AGL: variants seen among roughly 807,000 people sequenced by gnomAD.
AGL encodes glycogen debranching enzyme.
AGL carries 128 observed loss-of-function variants against 199.3 expected under a neutral mutation model. The ratio of observed to expected loss-of-function variants is 0.64; its 90% confidence interval spans 0.56 to 0.74. The LOEUF (loss-of-function observed/expected upper bound fraction) is 0.74, where lower values mean the gene tolerates loss of function less well. Ranked by LOEUF, AGL falls within the 30% of genes least tolerant of loss-of-function variation. The pLI, the probability that AGL is intolerant of heterozygous loss-of-function variation, is 0.00. For missense variants in AGL, 1,809 were observed against 1,820.8 expected (o/e 0.99, Z 0.12); for synonymous variants, 584 against 594.7 (o/e 0.98, Z 0.26).
At chr1:99,902,295 A>G (rs1009527130) in intron 26 of AGL, among the ~76,000 whole-genome samples, 3 of 152,126 alleles carry the variant, frequency 2.0e-5, no homozygotes, top group Non-Finnish European at 4.4e-5. Context: ...TTAGCTCATA[A>G]TTTACCCCCA....
At chr1:99,906,310 A>G (rs961369341) in intron 27 of AGL, among the ~76,000 whole-genome samples, 12 of 152,236 alleles carry the variant, frequency 7.9e-5, no homozygotes, top group African/African-American at 1.2e-4. Context: ...CATACTTAGC[A>G]TAATTCTTTT....
At chr1:99,920,910 A>T (rs1230967869) in intron 33 of AGL, among the ~76,000 whole-genome samples, 1 of 152,224 alleles carries the variant, frequency 6.6e-6, no homozygotes, top group Non-Finnish European at 1.5e-5. Flanking sequence ...GGAACAAGTT[A>T]TTTAACCTCT....
In AGL at chr1:99,870,554, T is replaced by G. The variant is rs1210001746; in HGVS notation, c.819T>G (p.Ala273=). The G allele has an allele frequency of 2.5e-6, 4 of 1,613,956 alleles. No homozygotes were observed. The highest frequency in any genetic ancestry group is 4.5e-5 in the East Asian group (2 of 44,866). ...EGKYKEKGIP[A]LIENDHHMNS... Reference sequence around the variant, plus strand: ...AATACAAAGAAAAGGGAATACCTGCTTTGATTGAAAATGATCACCATATGA... The same window carrying G: ...AATACAAAGAAAAGGGAATACCTGCGTTGATTGAAAATGATCACCATATGA... The change falls in exon 6 of 34, where the codon GCT becomes GCG. Residue 273 remains alanine (A), a synonymous_variant. Transcript: ENST00000361915.
At position 99,902,776 on chromosome 1, in the gene AGL, C is replaced by T. The variant is rs113994131; in HGVS notation, c.3682C>T (p.Arg1228Ter). The T allele has an allele frequency of 2.7e-5, 43 of 1,612,514 alleles. No individual in the cohort carries two copies. The highest frequency in any genetic ancestry group is 3.3e-5 in the Non-Finnish European group (39 of 1,179,016). The part of the protein sequence containing the change: ...RERNAGPQID[R>*]NMKDEGFNIT... ...AAGGAATGCTGGTCCCCAGATAGAT[C>T]GAAACATGAAGGACGAAGGTACAGA... is the stretch of plus-strand genomic sequence containing the variant. The change falls in exon 27 of 34, where the codon CGA becomes TGA. Residue 1228 changes from arginine to a stop codon, truncating the protein, a stop_gained. Transcript: ENST00000361915. LOFTEE classifies it high-confidence loss of function.
intron 24 of AGL, among the ~76,000 whole-genome samples, chr1:99,893,284 T>C (rs1653047790): frequency 6.6e-6 from 1 of 152,176 alleles, no homozygotes; most frequent in African/African-American, 2.4e-5. Context: ...ATTCCCTCTT[T>C]TACCCTTAAA....
intron 25 of AGL, 84 bp from the exon 26 acceptor site, chr1:99,900,552 A>T: frequency 2.4e-6 from 3 of 1,247,634 alleles, no homozygotes; most frequent in South Asian, 1.2e-5. Context: ...CATTCAAAAT[A>T]TAGTCACCAA....
intron 9 of AGL, 24 bp from the exon 10 acceptor site, chr1:99,875,334 C>T (rs1374928648): frequency 1.9e-6 from 3 of 1,613,168 alleles, no homozygotes; most frequent in Non-Finnish European, 2.5e-6. Flanking sequence ...TGGTGATGAT[C>T]TAACACAATT....
chr1:99,903,837 G>A (rs1426424851), intron 27 of AGL, among the ~76,000 whole-genome samples: 12 of 152,264 alleles, frequency 7.9e-5, no homozygotes, highest in Admixed American at 5.9e-4. Context: ...TCTAACTGGT[G>A]TGAGATGGTA....
At position 99,864,554 on chromosome 1, in the gene AGL, T is replaced by C; in HGVS notation, c.629T>C (p.Val210Ala). 6.2e-7 allele frequency: 1 copy of C among 1,613,882 alleles called. No homozygotes were observed. The highest frequency in any genetic ancestry group is 1.1e-5 in the South Asian group (1 of 91,072). Residue 210 changes from valine (V) to alanine (A), a missense_variant, in exon 5 of 34, where the codon GTT (valine) becomes GCT (alanine). Physicochemically the swap from Val to Ala is moderately conservative, Grantham distance 64. Transcript: ENST00000361915. Reference sequence around the variant, plus strand: ...GAAAAATTAAAAAAGGAATGGAATGTTATTTGTATTACTGATGTTGTCTAC... The same window carrying C: ...GAAAAATTAAAAAAGGAATGGAATGCTATTTGTATTACTGATGTTGTCTAC... ...LVEKLKKEWN[V>A]ICITDVVYNH...
intron 17 of AGL, 35 bp downstream of exon 17, chr1:99,881,726 T>G: frequency 6.7e-7 from 1 of 1,487,988 alleles, no homozygotes; most frequent in Non-Finnish European, 9.2e-7. Flanking sequence ...TGTATTTGTA[T>G]TATATTATTA....
At chr1:99,894,338 T>C (rs1467000604) in intron 24 of AGL, among the ~76,000 whole-genome samples, 1 of 152,216 alleles carries the variant, frequency 6.6e-6, no homozygotes, top group African/African-American at 2.4e-5. Flanking sequence ...TAGTTTTGAC[T>C]TTTTCACAAA....
At chr1:99,902,056 CAG>C in intron 26 of AGL, among the ~76,000 whole-genome samples, 1 of 152,038 alleles carries the variant, frequency 6.6e-6, no homozygotes, top group Middle Eastern at 3.4e-3. Context: ...TGGTTATATT[CAG>C]AGTCTTTAAA....
intron 33 of AGL, among the ~76,000 whole-genome samples, chr1:99,918,553 G>A (rs1655296862): frequency 6.6e-6 from 1 of 152,058 alleles, no homozygotes; most frequent in Non-Finnish European, 1.5e-5. Context: ...CGAACTCCTA[G>A]GCTCAAGCAG....
At chr1:99,849,393 C>T (rs1268993637), upstream of AGL, among the ~76,000 whole-genome samples, 2 of 152,168 alleles carry the variant, frequency 1.3e-5, no homozygotes, top group Non-Finnish European at 2.9e-5. Context: ...CCTCCAAAAG[C>T]CCTGGAAGAT....
rs188638704 is a variant in AGL at position 99,852,964 on chromosome 1, G to T, written c.82+1840G>T. 3.6e-3 allele frequency among the ~76,000 whole-genome samples: 543 copies of T among 152,150 alleles called. 1 individual carries two copies. Among genetic ancestry groups the T allele is most frequent in the Non-Finnish European group, 5.8e-3 (392 of 68,006 alleles). On this transcript the variant is annotated intron_variant, in intron 2 of 33. Transcript: ENST00000361915. ...CCCATTCTCGATCCTTTATTTCTCAGCTTCCCTGTTTATTTCGTGGCATCT... is the reference window on the plus strand; with the variant it reads ...CCCATTCTCGATCCTTTATTTCTCATCTTCCCTGTTTATTTCGTGGCATCT...
chr1:99,858,632 TTCA>T (rs2101076849), intron 2 of AGL, among the ~76,000 whole-genome samples: 1 of 152,342 alleles, frequency 6.6e-6, no homozygotes, highest in East Asian at 1.9e-4. Context: ...AAATGCTTCT[TTCA>T]TCATTATATG....
At chr1:99,863,944 A>G (rs1650290166) in intron 4 of AGL, among the ~76,000 whole-genome samples, 1 of 152,056 alleles carries the variant, frequency 6.6e-6, no homozygotes, top group Non-Finnish European at 1.5e-5. Flanking sequence ...ACCTGATCTC[A>G]ATATTAATTT....
intron 24 of AGL, among the ~76,000 whole-genome samples, chr1:99,895,544 T>C (rs2100801673): frequency 6.6e-6 from 1 of 152,336 alleles, no homozygotes; most frequent in South Asian, 2.1e-4. Context: ...TTAGGTATCA[T>C]TAAGGTAATA....
At chr1:99,912,569 C>A (rs1005807266) in intron 29 of AGL, 52 bp downstream of exon 29, 2 of 1,259,760 alleles carry the variant, frequency 1.6e-6, no homozygotes, top group Non-Finnish European at 2.3e-6. Context: ...TATGTATATT[C>A]TCAACCTATG....
Sources: gnomAD v4.1 joint callset for allele counts (sites outside exome capture counted in the v4.1 genomes callset) on GRCh38, gnomAD v4.1.1 for gene constraint, MANE v1.5 for transcripts, NCBI Gene and HGNC (gene_info 2026-07-23, HGNC 2026-07-21) for gene names.